Variants in JARID2 observed in about 807,000 individuals in gnomAD.
The protein encoded by JARID2 is jumonji and AT-rich interaction domain containing 2.
JARID2 carries 21 observed loss-of-function variants against 125.6 expected under a neutral mutation model. The ratio of observed to expected loss-of-function variants is 0.17; its 90% CI spans 0.12 to 0.24. The LOEUF (loss-of-function observed/expected upper bound fraction) is 0.24, where lower values mean the gene tolerates loss of function less well. Among genes scored for constraint, JARID2 ranks in the 10% least tolerant of loss-of-function variants. The probability of loss-of-function intolerance (pLI) is 1.00; values close to 1 mark genes in which losing one functional copy is unlikely to be tolerated. For missense variants in JARID2, 1,303 were observed against 1,639.6 expected, an observed-to-expected ratio of 0.79 and a Z score of 3.55; for synonymous variants, 736 against 661.6, an observed-to-expected ratio of 1.11 and a Z score of -1.73.
At chr6:15,486,642 T>C (rs1475479588) in intron 5 of JARID2, among the ~76,000 whole-genome samples, 1 of 152,190 alleles carries the variant, frequency 6.6e-6, no homozygotes, top group East Asian at 1.9e-4. Flanking sequence ...GCTATTGCTG[T>C]TTTTGAATTT....
At chr6:15,505,822 C>T (rs1329544501) in intron 9 of JARID2, among the ~76,000 whole-genome samples, 1 of 152,262 alleles carries the variant, frequency 6.6e-6, no homozygotes, top group Non-Finnish European at 1.5e-5. Context: ...GTCTAGGACA[C>T]GTGTGGCTTC....
intron 1 of JARID2, among the ~76,000 whole-genome samples, chr6:15,373,178 C>G (rs1170368155): frequency 1.3e-5 from 2 of 152,162 alleles, no homozygotes; most frequent in Non-Finnish European, 2.9e-5. Flanking sequence ...CTTGCTGATT[C>G]TTTAAACATG....
chr6:15,300,798 A>G (rs1332202428), intron 1 of JARID2, among the ~76,000 whole-genome samples: 2 of 149,960 alleles, frequency 1.3e-5, no homozygotes, highest in African/African-American at 4.9e-5. Context: ...CCCTTTATGT[A>G]TGATTCTTAG....
chr6:15,450,499 G>C (rs1373507455), intron 3 of JARID2, among the ~76,000 whole-genome samples: 1 of 152,156 alleles, frequency 6.6e-6, no homozygotes, highest in African/African-American at 2.4e-5. Flanking sequence ...TAATTGTCTT[G>C]AGTGGCATTG....
At chr6:15,455,977 A>G (rs1213834271) in intron 4 of JARID2, among the ~76,000 whole-genome samples, 3 of 152,214 alleles carry the variant, frequency 2.0e-5, no homozygotes, top group African/African-American at 7.2e-5. Flanking sequence ...ATCCCGTTTC[A>G]TTAGGATGTC....
At chr6:15,336,430 C>T (rs1282887086) in intron 1 of JARID2, among the ~76,000 whole-genome samples, 2 of 152,202 alleles carry the variant, frequency 1.3e-5, no homozygotes, top group African/African-American at 4.8e-5. Flanking sequence ...GTAATGCTTG[C>T]TAACTTAGTT....
intron 4 of JARID2, among the ~76,000 whole-genome samples, chr6:15,454,849 A>G (rs1437946542): frequency 1.3e-5 from 2 of 152,144 alleles, no homozygotes; most frequent in Admixed American, 6.5e-5. Context: ...ATGGAAAGGA[A>G]GCTGTGAGAA....
At chr6:15,345,339 C>G (rs1763208817) in intron 1 of JARID2, among the ~76,000 whole-genome samples, 1 of 152,194 alleles carries the variant, frequency 6.6e-6, no homozygotes, top group Admixed American at 6.5e-5. Context: ...CTACCCAACT[C>G]TGATATGGAA....
intron 3 of JARID2, among the ~76,000 whole-genome samples, chr6:15,449,110 T>C (rs1767804080): frequency 6.6e-6 from 1 of 152,148 alleles, no homozygotes; most frequent in East Asian, 1.9e-4. Flanking sequence ...CCCCACTTCA[T>C]TGTCCCATGT....
intron 5 of JARID2, 50 bp from the exon 6 acceptor site, chr6:15,487,257 G>GGT (rs1482659738): frequency 1.4e-6 from 2 of 1,474,450 alleles, no homozygotes; most frequent in East Asian, 4.7e-5. Context: ...TAGTTTGCGT[G>GGT]GTAGTGGTCA....
chr6:15,489,188 G>A (rs1037794623), intron 6 of JARID2, among the ~76,000 whole-genome samples: 2 of 152,212 alleles, frequency 1.3e-5, no homozygotes, highest in African/African-American at 4.8e-5. Flanking sequence ...GTAGGGTTAA[G>A]TTGTTTTTGT....
intron 1 of JARID2, among the ~76,000 whole-genome samples, chr6:15,337,294 T>C (rs1388408813): frequency 2.0e-5 from 3 of 152,234 alleles, no homozygotes; most frequent in Non-Finnish European, 4.4e-5. Context: ...CTAAGTAAAA[T>C]GAGCATTAGG....
In JARID2 at chr6:15,330,311, T is replaced by G. The variant is rs573533192; in HGVS notation, c.46-43806T>G. On this transcript the variant is annotated intron_variant, in intron 1 of 17. Coordinates refer to ENST00000341776, the MANE Select transcript of JARID2 (RefSeq NM_004973.4). ...CAGGAGGTTATTTGGTCTGGTGAGG[T>G]TACATTATAAGCCTGCGCACTCATT... 3.3e-5 allele frequency among the ~76,000 whole-genome samples: 5 copies of G among 152,276 alleles called. No homozygotes were observed. The East Asian group carries it at 9.6e-4, about 29-fold the overall frequency.
rs533930382 is a variant in JARID2, at chr6:15,382,061, A to C, written c.181+7809A>C. On this transcript the variant is annotated intron_variant, in intron 2 of 17. Transcript: ENST00000341776. ...CACTTTGGGAGGCCGAGGCGGGCGG[A>C]TCATGAGCCTGGCCAACATAGTGAA... Among the ~76,000 whole-genome samples the C allele has an allele frequency of 1.4e-4, 21 of 152,298 alleles. No homozygotes were observed. In the South Asian group the frequency reaches 4.1e-3, roughly 30 times the overall value.
At chr6:15,460,547 T>C (rs1768393995) in intron 4 of JARID2, among the ~76,000 whole-genome samples, 1 of 152,186 alleles carries the variant, frequency 6.6e-6, no homozygotes, top group Admixed American at 6.5e-5. Context: ...GGGGTTTCAT[T>C]TATAGCACTA....
intron 17 of JARID2, among the ~76,000 whole-genome samples, chr6:15,518,686 T>TCA (rs1373283412): frequency 6.6e-6 from 1 of 152,218 alleles, no homozygotes; most frequent in African/African-American, 2.4e-5. Flanking sequence ...TTTACCATGT[T>TCA]GGTCAGGCTG....
intron 5 of JARID2, among the ~76,000 whole-genome samples, chr6:15,483,897 A>G (rs1461171947): frequency 2.0e-5 from 3 of 152,162 alleles, no homozygotes; most frequent in African/African-American, 4.8e-5. Context: ...CATCCTTGCA[A>G]TCAGTCATCA....
chr6:15,433,416 G>C (rs62395395), intron 3 of JARID2, among the ~76,000 whole-genome samples: 8,092 of 96,136 alleles, frequency 0.084, 363 homozygotes, highest in African/African-American at 0.16. Context: ...CTCTCTGTGT[G>C]TGTGTGTGTG....
At chr6:15,354,048 G>A (rs934163060) in intron 1 of JARID2, among the ~76,000 whole-genome samples, 2 of 152,222 alleles carry the variant, frequency 1.3e-5, no homozygotes, top group African/African-American at 2.4e-5. Flanking sequence ...AGCAAGTTCA[G>A]TCTTGTTCAC....
Sources: gnomAD v4.1 joint callset for allele counts (sites outside exome capture counted in the v4.1 genomes callset) on GRCh38, gnomAD v4.1.1 for gene constraint, MANE v1.5 for transcripts, NCBI Gene and HGNC (gene_info 2026-07-23, HGNC 2026-07-21) for gene names.